PLEKHA5: variants seen among roughly 807,000 people sequenced by gnomAD.
The protein encoded by PLEKHA5 is pleckstrin homology domain-containing family A member 5.
PLEKHA5 carries 55 observed loss-of-function variants against 181.9 expected under a neutral mutation model. The observed-to-expected ratio is 0.30, with a 90% CI of 0.24 to 0.38. The LOEUF (loss-of-function observed/expected upper bound fraction) is 0.38, where lower values mean the gene tolerates loss of function less well. Ranked by LOEUF, PLEKHA5 falls within the 10% of genes least tolerant of loss-of-function variation. The pLI, the probability that PLEKHA5 is intolerant of heterozygous loss-of-function variation, is 1.00. For synonymous variants in PLEKHA5, 535 were observed against 529.4 expected (o/e 1.01, Z -0.15); for missense variants, 1,432 against 1,549.5 (o/e 0.92, Z 1.27).
chr12:19,216,270 A>G (rs2057961824), intron 3 of PLEKHA5, among the ~76,000 whole-genome samples: 2 of 152,140 alleles, frequency 1.3e-5, no homozygotes, highest in Non-Finnish European at 2.9e-5. Context: ...GTTTTTTATT[A>G]CAGCTGTCTT....
chr12:19,309,530 C>G (rs1283306239), intron 15 of PLEKHA5, among the ~76,000 whole-genome samples: 3 of 151,898 alleles, frequency 2.0e-5, no homozygotes, highest in Non-Finnish European at 4.4e-5. Flanking sequence ...CCGAGGCGGG[C>G]GGATCCCCTG....
intron 3 of PLEKHA5, among the ~76,000 whole-genome samples, chr12:19,192,509 C>A (rs1299433708): frequency 6.6e-6 from 1 of 152,054 alleles, no homozygotes; most frequent in Non-Finnish European, 1.5e-5. Flanking sequence ...ACCAGCCTGG[C>A]CAACATGGTT....
At chr12:19,273,154 C>G (rs1023594706) in intron 10 of PLEKHA5, among the ~76,000 whole-genome samples, 1 of 152,136 alleles carries the variant, frequency 6.6e-6, no homozygotes, top group African/African-American at 2.4e-5. Flanking sequence ...GGTGATCCAC[C>G]CACCCTGGCC....
At chr12:19,198,097 C>G (rs967861452) in intron 3 of PLEKHA5, among the ~76,000 whole-genome samples, 2 of 152,158 alleles carry the variant, frequency 1.3e-5, no homozygotes, top group Non-Finnish European at 2.9e-5. Flanking sequence ...CCCTGCTTCT[C>G]CGCTCTTGAC....
chr12:19,157,578 C>T (rs1214328462), intron 3 of PLEKHA5, among the ~76,000 whole-genome samples: 2 of 152,002 alleles, frequency 1.3e-5, no homozygotes, highest in African/African-American at 4.8e-5. Flanking sequence ...GTTTATGGAA[C>T]ACTTAACTAT....
At chr12:19,315,754 G>A (rs1257023433) in intron 16 of PLEKHA5, among the ~76,000 whole-genome samples, 1 of 151,814 alleles carries the variant, frequency 6.6e-6, no homozygotes, top group Non-Finnish European at 1.5e-5. Flanking sequence ...AATATATAAG[G>A]CACCTAGTAA....
At chr12:19,305,774 C>G (rs535980176) in intron 15 of PLEKHA5, among the ~76,000 whole-genome samples, 1 of 143,370 alleles carries the variant, frequency 7.0e-6, no homozygotes, top group Admixed American at 7.4e-5. Context: ...ACAGGAGAAT[C>G]GCTTCAACCT....
chr12:19,261,474 G>A (rs901086166), intron 7 of PLEKHA5, among the ~76,000 whole-genome samples: 2 of 151,346 alleles, frequency 1.3e-5, no homozygotes, highest in African/African-American at 2.4e-5. Flanking sequence ...CTTTTTTTTT[G>A]ACCAAACACT....
At chr12:19,308,073 G>C (rs2084778572) in intron 15 of PLEKHA5, among the ~76,000 whole-genome samples, 1 of 151,920 alleles carries the variant, frequency 6.6e-6, no homozygotes, top group African/African-American at 2.4e-5. Flanking sequence ...TGATGAAGAG[G>C]AACAAGGGTA....
At chr12:19,309,138 A>C (rs1468718909) in intron 15 of PLEKHA5, among the ~76,000 whole-genome samples, 2 of 152,146 alleles carry the variant, frequency 1.3e-5, no homozygotes, top group African/African-American at 4.8e-5. Flanking sequence ...TTTTGGTTTA[A>C]CTTTGGACGG....
Position 19,336,559 on chromosome 12 carries a change from T to C in PLEKHA5, c.2493T>C (p.Asp831=). The C allele has an allele frequency of 5.6e-6, 9 of 1,610,514 alleles. No individual in the cohort carries two copies. Among genetic ancestry groups the C allele is most frequent in the Non-Finnish European group, 7.6e-6 (9 of 1,177,438 alleles). ...GAGAATATGATAAGTTAGAATACGA[T>C]GTAACTGTTACCAGGAACCAGATGC... ...AWREYDKLEY[D]VTVTRNQMQE... Residue 831 remains aspartate, a synonymous_variant, in exon 21 of 32, where the codon GAT becomes GAC. Transcript: ENST00000429027.
intron 3 of PLEKHA5, among the ~76,000 whole-genome samples, chr12:19,138,803 C>T (rs2036453808): frequency 6.6e-6 from 1 of 151,982 alleles, no homozygotes; most frequent in Non-Finnish European, 1.5e-5. Context: ...ACTAACTAGG[C>T]TTGTTAGTGA....
chr12:19,163,032 G>T (rs560076570), intron 3 of PLEKHA5, among the ~76,000 whole-genome samples: 3 of 152,148 alleles, frequency 2.0e-5, no homozygotes, highest in Non-Finnish European at 4.4e-5. Flanking sequence ...TTTATATATT[G>T]TCTCCTTTAA....
chr12:19,234,956 C>T lies in PLEKHA5; in HGVS notation c.228-18984C>T, dbSNP rs577853309. 2.6e-5 allele frequency among the ~76,000 whole-genome samples: 4 copies of T among 152,046 alleles called. No homozygotes were observed. The East Asian group carries it at 5.8e-4, about 22-fold the overall frequency. ...ATTTATGTTTTTTAAAGGGGGCTGT[C>T]GTTGGCTTTTAGAACTGTGGAAAAG... On this transcript the variant is annotated intron_variant, in intron 3 of 31. Coordinates refer to ENST00000429027, the MANE Select transcript of PLEKHA5 (RefSeq NM_001256470.2).
intron 3 of PLEKHA5, among the ~76,000 whole-genome samples, chr12:19,226,109 C>T (rs989838652): frequency 6.6e-6 from 1 of 152,174 alleles, no homozygotes; most frequent in Non-Finnish European, 1.5e-5. Context: ...CAACCATCAC[C>T]TCTATCCAGT....
At chr12:19,220,497 T>C (rs377220831) in intron 3 of PLEKHA5, among the ~76,000 whole-genome samples, 2 of 152,302 alleles carry the variant, frequency 1.3e-5, no homozygotes, top group South Asian at 2.1e-4. Flanking sequence ...AATACAACTT[T>C]AGATGTTTTA....
chr12:19,205,320 A>G (rs1334450719), intron 3 of PLEKHA5: 1 of 955,754 alleles, frequency 1.0e-6, no homozygotes, highest in Non-Finnish European at 1.2e-6. Context: ...TAGTGGAAAG[A>G]GCAGAAAAGA....
In PLEKHA5 at chr12:19,206,576, T is replaced by TG. The variant is rs572115252; in HGVS notation, c.228-47358dup. 1.1e-3 allele frequency among the ~76,000 whole-genome samples: 170 copies of TG among 152,086 alleles called. 1 individual carries two copies. Among genetic ancestry groups the TG allele is most frequent in the African/African-American group, 3.7e-3 (152 of 41,532 alleles). On this transcript the variant is annotated intron_variant, in intron 3 of 31. Coordinates refer to ENST00000429027, the MANE Select transcript of PLEKHA5 (RefSeq NM_001256470.2). ...TTTAAAGAGGTCTAGAAAAATGATG[T>TG]GGGGGGTGGGAACGATAGGAAGAGA...
intron 30 of PLEKHA5, among the ~76,000 whole-genome samples, chr12:19,368,618 C>T (rs761763247): frequency 6.6e-6 from 1 of 151,996 alleles, no homozygotes; most frequent in Non-Finnish European, 1.5e-5. Context: ...CATGGAGAAA[C>T]CCCGTCTCTA....
Sources: gnomAD v4.1 joint callset for allele counts (sites outside exome capture counted in the v4.1 genomes callset) on GRCh38, gnomAD v4.1.1 for gene constraint, MANE v1.5 for transcripts, NCBI Gene and HGNC (gene_info 2026-07-23, HGNC 2026-07-21) for gene names.